EXO1: variants seen among roughly 807,000 people sequenced by gnomAD.
EXO1 encodes exonuclease 1.
In EXO1, 69 loss-of-function variants were observed where a neutral mutation model predicts 84.5. The observed-to-expected ratio is 0.82, with a 90% CI of 0.67 to 1.00. The LOEUF is 1.00. EXO1 is among the 50% of genes least tolerant of loss of function. The pLI is 0.00. For missense variants in EXO1, 1,045 were observed against 1,000.7 expected (o/e 1.04, Z -0.60); for synonymous variants, 373 against 366.1 (o/e 1.02, Z -0.21).
chr1:241,866,918 C>T lies in EXO1; in HGVS notation c.1130C>T (p.Pro377Leu). ...AGCATTTGGCATAGGAATTACTCTC[C>T]CAGACCAGAGTCGGGTACTGTTTCA... The part of the protein sequence containing the change: ...VSSIWHRNYS[P>L]RPESGTVSDA... The change falls in exon 11 of 16, where the codon CCC becomes CTC. Residue 377 changes from proline to leucine, a missense_variant. Transcript: ENST00000366548. 1 of 1,614,044 alleles carries T rather than the reference C, an allele frequency of 6.2e-7. No individual in the cohort carries two copies. Among genetic ancestry groups the T allele is most frequent in the Non-Finnish European group, 8.5e-7 (1 of 1,179,940 alleles).
intron 10 of EXO1, among the ~76,000 whole-genome samples, chr1:241,864,237 T>C (rs967423529): frequency 5.3e-5 from 8 of 152,210 alleles, no homozygotes; most frequent in Non-Finnish European, 1.0e-4. Flanking sequence ...AATTCTCCAA[T>C]GTTGGAATGT....
In EXO1 at chr1:241,872,080, CGAA is replaced by C. The variant is rs779981618; in HGVS notation, c.1322_1324del (p.Lys441del). The C allele has an allele frequency of 4.0e-5, 65 of 1,612,890 alleles. No homozygotes were observed. The Middle Eastern group carries it at 8.2e-4, about 20-fold the overall frequency. On this transcript the variant is annotated inframe_deletion, in exon 12 of 16. Transcript: ENST00000366548. ...TTGAGTCAGTATTCTCTTTCATTTA[CGAA>C]GAAGACCAAGAAAAATAGCTCTGAA...
At chr1:241,866,280 A>G (rs553864868) in intron 10 of EXO1, among the ~76,000 whole-genome samples, 1 of 152,154 alleles carries the variant, frequency 6.6e-6, no homozygotes, top group South Asian at 2.1e-4. Context: ...CACCTGGCTA[A>G]TTTTTGTACT....
chr1:241,869,867 G>A (rs1281162203), intron 11 of EXO1, among the ~76,000 whole-genome samples: 2 of 150,776 alleles, frequency 1.3e-5, no homozygotes, highest in East Asian at 3.9e-4. Context: ...AGGCTGGAGG[G>A]CAGTGGCGTG....
rs749019914 is a variant in EXO1, at chr1:241,852,278, C to CT, written c.162-7dup. The CT allele has an allele frequency of 1.9e-6, 3 of 1,598,010 alleles. No individual in the cohort carries two copies. The highest frequency in any genetic ancestry group is 2.6e-6 in the Non-Finnish European group (3 of 1,168,304). ...GAAAGGTGAAGCACTGAATGTTTTT[C>CT]TTTTTTTCCATAGGTATGTAGGATT... On this transcript the variant is annotated splice_polypyrimidine_tract_variant and intron_variant, in intron 4 of 15. Coordinates refer to ENST00000366548, the MANE Select transcript of EXO1 (RefSeq NM_130398.4).
chr1:241,869,764 TTCCC>T lies in EXO1; in HGVS notation c.1268-2256_1268-2253del, dbSNP rs1558135457. 1.1e-4 allele frequency among the ~76,000 whole-genome samples: 14 copies of T among 130,990 alleles called. No individual in the cohort carries two copies. The South Asian group carries it at 3.6e-3, about 34-fold the overall frequency. The allele number at this position is 130,990 out of a possible 152,430, so 85.9% of individuals were successfully genotyped here. On this transcript the variant is annotated intron_variant, in intron 11 of 15. Coordinates refer to ENST00000366548, the MANE Select transcript of EXO1 (RefSeq NM_130398.4). ...CCTCCCTCCCTCCTTCCTTCCTTCC[TTCCC>T]TCCCTCCCTCCTTCCTTCCTTCCTT...
chr1:241,859,594 A>G lies in EXO1; in HGVS notation c.756+876A>G, dbSNP rs4149908. On this transcript the variant is annotated intron_variant, in intron 8 of 15. Transcript: ENST00000366548. ...ATGTTTAGACTTGGGCCCCATCCCT[A>G]AGTTATCTCATAACGTGTATATGCA... Among the ~76,000 whole-genome samples, 880 of 152,316 alleles carry G rather than the reference A, an allele frequency of 5.8e-3. 6 individuals are homozygous for G. The highest frequency in any genetic ancestry group is 0.02 in the African/African-American group (841 of 41,558).
At chr1:241,878,130 C>CAA (rs940153762) in intron 12 of EXO1, among the ~76,000 whole-genome samples, 12 of 152,288 alleles carry the variant, frequency 7.9e-5, no homozygotes, top group African/African-American at 2.6e-4. Context: ...AGGGAAAGAA[C>CAA]ACCTATATGA....
intron 12 of EXO1, among the ~76,000 whole-genome samples, chr1:241,877,373 C>A (rs1016952937): frequency 2.6e-5 from 4 of 152,064 alleles, no homozygotes; most frequent in Non-Finnish European, 5.9e-5. Context: ...AATACTTGGG[C>A]ATCATAGGAA....
chr1:241,882,114 C>A (rs1015699393), intron 14 of EXO1, 97 bp downstream of exon 14: 7 of 665,504 alleles, frequency 1.1e-5, no homozygotes, highest in Admixed American at 7.8e-5. Context: ...ATCAAAATAC[C>A]TGTAGTCTCA....
At position 241,878,981 on chromosome 1, in the gene EXO1, G is replaced by A; in HGVS notation, c.1747G>A (p.Glu583Lys). 6.2e-7 allele frequency: 1 copy of A among 1,614,020 alleles called. No individual in the cohort carries two copies. Among genetic ancestry groups the A allele is most frequent in the Non-Finnish European group, 8.5e-7 (1 of 1,179,880 alleles). ...AGACAAGGCAACAGTGTTTACAGAT[G>A]AAGAGTCCTACTCTTTTGAGAGCAG... ...IPDKATVFTD[E>K]ESYSFESSKF... The change falls in exon 13 of 16, where the codon GAA becomes AAA. Residue 583 changes from glutamate (E) to lysine (K), a missense_variant. Physicochemically the swap from Glu to Lys is moderately conservative, Grantham distance 56. Transcript: ENST00000366548.
At chr1:241,870,157 C>T (rs999702698) in intron 11 of EXO1, among the ~76,000 whole-genome samples, 1 of 152,158 alleles carries the variant, frequency 6.6e-6, no homozygotes, top group Admixed American at 6.5e-5. Flanking sequence ...ACACGCTGTC[C>T]ATTTTATGTA....
intron 10 of EXO1, among the ~76,000 whole-genome samples, chr1:241,864,023 G>T (rs1020013546): frequency 1.1e-4 from 17 of 151,962 alleles, no homozygotes; most frequent in African/African-American, 4.1e-4. Flanking sequence ...ATAATTTTTT[G>T]AACGTTTTCT....
chr1:241,853,288 C>A, intron 5 of EXO1, 70 bp from the exon 6 acceptor site: 1 of 1,535,680 alleles, frequency 6.5e-7, no homozygotes, highest in Non-Finnish European at 9.0e-7. Context: ...TCTTGAATTA[C>A]AGTTCTGTTA....
At chr1:241,887,462 T>C (rs1429512844) in intron 15 of EXO1, among the ~76,000 whole-genome samples, 1 of 152,196 alleles carries the variant, frequency 6.6e-6, no homozygotes, top group African/African-American at 2.4e-5. Context: ...TTATACAATA[T>C]AAGAAAAAAG....
chr1:241,885,872 T>TTGA (rs1663043464), intron 15 of EXO1, among the ~76,000 whole-genome samples: 3 of 132,838 alleles, frequency 2.3e-5, no homozygotes, highest in Admixed American at 1.6e-4. Flanking sequence ...TTTGTTTTTT[T>TTGA]GAGAGAGTTT....
intron 12 of EXO1, among the ~76,000 whole-genome samples, chr1:241,876,398 A>G (rs1175199178): frequency 6.6e-6 from 1 of 151,912 alleles, no homozygotes; most frequent in Non-Finnish European, 1.5e-5. Flanking sequence ...CCTGGCCAAC[A>G]TAGTGAAACC....
chr1:241,862,879 A>G (rs968173954), intron 10 of EXO1, among the ~76,000 whole-genome samples: 1 of 152,226 alleles, frequency 6.6e-6, no homozygotes, highest in Non-Finnish European at 1.5e-5. Flanking sequence ...TCCTTTACTA[A>G]ACATTTATCA....
At chr1:241,861,259 G>T in intron 9 of EXO1, 147 bp from the exon 10 acceptor site, 1 of 649,538 alleles carries the variant, frequency 1.5e-6, no homozygotes, top group Non-Finnish European at 2.8e-6. Context: ...TCTGCTTTCA[G>T]TAATGCTGAT....
Sources: gnomAD v4.1 joint callset for allele counts (sites outside exome capture counted in the v4.1 genomes callset) on GRCh38, gnomAD v4.1.1 for gene constraint, MANE v1.5 for transcripts, NCBI Gene and HGNC (gene_info 2026-07-23, HGNC 2026-07-21) for gene names.